The following STAC variants were observed in gnomAD, a reference collection of about 807,000 sequenced individuals.
The protein encoded by STAC is SH3 and cysteine-rich domain-containing protein.
In STAC, 43 loss-of-function variants were observed where a neutral mutation model predicts 48.8. That is an observed-to-expected ratio of 0.88 (90% confidence interval 0.69 to 1.14). The LOEUF (loss-of-function observed/expected upper bound fraction) is 1.14. STAC is among the 50% of genes most tolerant of loss of function. The pLI, the probability that STAC is intolerant of heterozygous loss-of-function variation, is 0.00. For missense variants in STAC, 497 were observed against 504.0 expected, an observed-to-expected ratio of 0.99 and a Z score of 0.13; for synonymous variants, 193 against 179.5, an observed-to-expected ratio of 1.07 and a Z score of -0.60.
chr3:36,480,055 T>A (rs1383690050), intron 2 of STAC, among the ~76,000 whole-genome samples: 1 of 152,210 alleles, frequency 6.6e-6, no homozygotes, highest in Admixed American at 6.5e-5. Context: ...GAAACTGAAA[T>A]CATGGTGTTT....
intron 10 of STAC, among the ~76,000 whole-genome samples, chr3:36,533,183 A>G (rs994957185): frequency 4.5e-4 from 69 of 152,178 alleles, no homozygotes; most frequent in African/African-American, 1.6e-3. Flanking sequence ...TTGGGACCAA[A>G]AGACTCCTTG....
At chr3:36,453,035 C>T (rs1696729196) in intron 2 of STAC, among the ~76,000 whole-genome samples, 1 of 152,246 alleles carries the variant, frequency 6.6e-6, no homozygotes. Context: ...GATATCTGAA[C>T]CCCATTTTGG....
intron 8 of STAC, among the ~76,000 whole-genome samples, chr3:36,510,965 A>ATT (rs1246437577): frequency 6.6e-6 from 1 of 150,662 alleles, no homozygotes; most frequent in Non-Finnish European, 1.5e-5. Context: ...ATTAAAATAT[A>ATT]TTTATATATA....
At chr3:36,537,680 C>T (rs190654932) in intron 10 of STAC, among the ~76,000 whole-genome samples, 1 of 152,170 alleles carries the variant, frequency 6.6e-6, no homozygotes, top group Non-Finnish European at 1.5e-5. Context: ...CAAACCTGCA[C>T]ATCCTGCACA....
At chr3:36,389,609 G>A (rs2125614886) in intron 1 of STAC, among the ~76,000 whole-genome samples, 1 of 152,174 alleles carries the variant, frequency 6.6e-6, no homozygotes, top group Admixed American at 6.5e-5. Context: ...TGGCACATAA[G>A]AAATTCATTT....
At chr3:36,543,624 T>G (rs537285661) in intron 10 of STAC, among the ~76,000 whole-genome samples, 1 of 152,330 alleles carries the variant, frequency 6.6e-6, no homozygotes, top group Non-Finnish European at 1.5e-5. Flanking sequence ...CAAAGGTCTA[T>G]CTTATATATA....
chr3:36,464,938 C>T (rs1404801043), intron 2 of STAC, among the ~76,000 whole-genome samples: 3 of 152,000 alleles, frequency 2.0e-5, no homozygotes, highest in Non-Finnish European at 4.4e-5. Context: ...TGCATGTGCA[C>T]GTGTCTTTTT....
intron 1 of STAC, among the ~76,000 whole-genome samples, chr3:36,428,622 C>G (rs1391374124): frequency 6.6e-6 from 1 of 152,036 alleles, no homozygotes; most frequent in Non-Finnish European, 1.5e-5. Flanking sequence ...GAGTAGAGAC[C>G]TGAAGGAAGT....
intron 2 of STAC, among the ~76,000 whole-genome samples, chr3:36,468,609 T>A (rs1697239763): frequency 6.7e-6 from 1 of 148,534 alleles, no homozygotes; most frequent in South Asian, 2.1e-4. Context: ...TTTATATATA[T>A]ATTTATATAT....
At chr3:36,437,834 A>C (rs1215037684) in intron 1 of STAC, among the ~76,000 whole-genome samples, 1 of 151,338 alleles carries the variant, frequency 6.6e-6, no homozygotes, top group Non-Finnish European at 1.5e-5. Context: ...GACAAAAAAA[A>C]AACCTTAAAA....
intron 1 of STAC, among the ~76,000 whole-genome samples, chr3:36,387,202 C>A (rs1559473506): frequency 6.6e-6 from 1 of 151,914 alleles, no homozygotes; most frequent in Admixed American, 6.6e-5. Flanking sequence ...ACTAAGATTT[C>A]TTTATCATCA....
chr3:36,531,114 C>T (rs1472590110), intron 10 of STAC, among the ~76,000 whole-genome samples: 4 of 152,106 alleles, frequency 2.6e-5, no homozygotes. Flanking sequence ...TTGAAACTGG[C>T]ACTTTCATAA....
chr3:36,392,801 T>G (rs1004660882), intron 1 of STAC, among the ~76,000 whole-genome samples: 4 of 152,150 alleles, frequency 2.6e-5, no homozygotes, highest in African/African-American at 9.7e-5. Flanking sequence ...TGCTCTCAGA[T>G]TCTTCCATTT....
At chr3:36,402,947 C>T (rs1269565067) in intron 1 of STAC, among the ~76,000 whole-genome samples, 1 of 152,146 alleles carries the variant, frequency 6.6e-6, no homozygotes, top group African/African-American at 2.4e-5. Flanking sequence ...TATGAACAGA[C>T]AACTAAAGCA....
chr3:36,443,597 C>T lies in STAC; in HGVS notation c.345C>T (p.Phe115=). Residue 115 remains phenylalanine, a synonymous_variant, in exon 2 of 11, where the codon TTC becomes TTT. Transcript: ENST00000273183. This position sits in a 1 kb window ranked among gnomAD's most constrained non-coding sequence, Gnocchi z 4.2. Reference sequence around the variant, plus strand: ...CTCATGCCTTTCAGGAATACATCTTCAAGAAGCCCACTTTCTGTGATGTCT... The same window carrying T: ...CTCATGCCTTTCAGGAATACATCTTTAAGAAGCCCACTTTCTGTGATGTCT... The part of the protein sequence containing the change: ...GKAHAFQEYI[F]KKPTFCDVCN... 1 of 1,613,932 alleles carries T rather than the reference C, an allele frequency of 6.2e-7. No individual in the cohort carries two copies. The highest frequency in any genetic ancestry group is 8.5e-7 in the Non-Finnish European group (1 of 1,180,030).
chr3:36,512,166 G>A (rs1264016064), intron 8 of STAC, among the ~76,000 whole-genome samples: 2 of 152,066 alleles, frequency 1.3e-5, no homozygotes, highest in Non-Finnish European at 2.9e-5. Context: ...GAGTAAAATC[G>A]TCATGCTGAA....
chr3:36,539,429 C>A (rs1699270832), intron 10 of STAC, among the ~76,000 whole-genome samples: 1 of 152,266 alleles, frequency 6.6e-6, no homozygotes, highest in South Asian at 2.1e-4. Context: ...TCATTTAGCT[C>A]CAACTTACAA....
At chr3:36,454,139 A>G (rs1329171707) in intron 2 of STAC, among the ~76,000 whole-genome samples, 1 of 152,074 alleles carries the variant, frequency 6.6e-6, no homozygotes, top group Non-Finnish European at 1.5e-5. Context: ...AGCAGTAGCA[A>G]CCCGCTCGGA....
chr3:36,390,849 T>C (rs1699739886), intron 1 of STAC, among the ~76,000 whole-genome samples: 1 of 152,208 alleles, frequency 6.6e-6, no homozygotes, highest in Admixed American at 6.5e-5. Flanking sequence ...CTGTCACCTA[T>C]CTTAAAACAA....
Sources: allele counts gnomAD v4.1 joint callset (sites outside exome capture counted in the v4.1 genomes callset), GRCh38; gene constraint gnomAD v4.1.1; non-coding constraint Gnocchi (gnomAD v3.1); transcripts MANE v1.5; gene names NCBI Gene and HGNC (gene_info 2026-07-23, HGNC 2026-07-21).